The following KCNA6 variants were observed in gnomAD, a reference collection of about 807,000 sequenced individuals.
KCNA6 encodes the protein human brain potassium channel-2.
A neutral mutation model predicts 29.5 loss-of-function variants in KCNA6; 17 were observed. That is an observed-to-expected ratio of 0.58 (90% confidence interval 0.39 to 0.86). The LOEUF is 0.86. Ranked by LOEUF, KCNA6 falls within the 40% of genes least tolerant of loss-of-function variation. The probability of loss-of-function intolerance (pLI) is 0.00; values close to 1 mark genes in which losing one functional copy is unlikely to be tolerated. For synonymous variants in KCNA6, 296 were observed against 304.7 expected (o/e 0.97, Z 0.30); for missense variants, 450 against 703.4 (o/e 0.64, Z 4.07).
At chr12:4,814,317 T>G (rs1347133839), downstream of KCNA6, 2 of 167,118 alleles carry the variant, frequency 1.2e-5, no homozygotes, top group Non-Finnish European at 2.9e-5. The surrounding 1 kb of genome is among the most constrained non-coding windows in gnomAD (Gnocchi z 4.6). Flanking sequence ...AAGCTGGGCC[T>G]TACCAGGTGT....
the KCNA6 span, among the ~76,000 whole-genome samples, chr12:4,840,613 A>G: frequency 3.4e-4 from 52 of 152,224 alleles, 1 homozygote; most frequent in Non-Finnish European, 7.3e-4. Context: ...TTCCACATCA[A>G]TCACAGACAT....
chr12:4,849,212 A>G, the KCNA6 span, among the ~76,000 whole-genome samples: 1 of 152,164 alleles, frequency 6.6e-6, no homozygotes. Context: ...AGAGCAGTCC[A>G]GGGAGAAAGC....
chr12:4,837,784 C>A, the KCNA6 span, among the ~76,000 whole-genome samples: 5 of 151,804 alleles, frequency 3.3e-5, no homozygotes, highest in African/African-American at 9.7e-5. Flanking sequence ...TGTGTGGGTA[C>A]AGACTGCTCT....
the KCNA6 span, among the ~76,000 whole-genome samples, chr12:4,823,739 C>A: frequency 1.3e-5 from 2 of 152,072 alleles, no homozygotes; most frequent in East Asian, 3.9e-4. Context: ...TGCACTCCTG[C>A]CTGGGCGACA....
At chr12:4,836,966 T>A in the KCNA6 span, among the ~76,000 whole-genome samples, 1 of 152,226 alleles carries the variant, frequency 6.6e-6, no homozygotes. Context: ...TCTTTTTGTA[T>A]GTCAATGAGT....
chr12:4,813,758 G>C (rs1946655446), downstream of KCNA6: 1 of 167,210 alleles, frequency 6.0e-6, no homozygotes, highest in Non-Finnish European at 1.5e-5. Context: ...GGGGAAAGAA[G>C]AGAAAAGCCC....
At chr12:4,840,972 A>C in the KCNA6 span, among the ~76,000 whole-genome samples, 1 of 152,214 alleles carries the variant, frequency 6.6e-6, no homozygotes, top group African/African-American at 2.4e-5. Flanking sequence ...TGATAGTCTT[A>C]CTCCTTAGAA....
the KCNA6 span, among the ~76,000 whole-genome samples, chr12:4,850,266 G>A: frequency 0.57 from 86,363 of 151,802 alleles, 24,939 homozygotes; most frequent in Admixed American, 0.64. This position sits in a 1 kb window ranked among gnomAD's most constrained non-coding sequence, Gnocchi z 5.4. Context: ...AGAGAGGAAC[G>A]CGCCTGACGC....
the KCNA6 span, among the ~76,000 whole-genome samples, chr12:4,821,260 GAA>G: frequency 6.6e-6 from 1 of 152,232 alleles, no homozygotes; most frequent in East Asian, 1.9e-4. Context: ...GGTGGAAAGA[GAA>G]AAGAGGTCCG....
chr12:4,846,405 T>C, the KCNA6 span, among the ~76,000 whole-genome samples: 1 of 152,226 alleles, frequency 6.6e-6, no homozygotes, highest in Non-Finnish European at 1.5e-5. Flanking sequence ...AACTGTAATA[T>C]AAATGACATA....
At chr12:4,847,324 T>C in the KCNA6 span, among the ~76,000 whole-genome samples, 1 of 152,358 alleles carries the variant, frequency 6.6e-6, no homozygotes, top group East Asian at 1.9e-4. Context: ...GAAATGCATG[T>C]TTTCAATTCT....
the KCNA6 span, among the ~76,000 whole-genome samples, chr12:4,837,833 A>T: frequency 1.3e-5 from 2 of 151,416 alleles, no homozygotes; most frequent in Admixed American, 6.6e-5. Context: ...GGAGGCTTTT[A>T]TGGTAACCCA....
chr12:4,843,262 G>T, the KCNA6 span, among the ~76,000 whole-genome samples: 7 of 151,164 alleles, frequency 4.6e-5, no homozygotes, highest in Non-Finnish European at 8.8e-5. Context: ...CTCACTGCAA[G>T]CTCCGCCTCC....
chr12:4,821,446 GTGTGTGTGTGTGTGTT>G, the KCNA6 span, among the ~76,000 whole-genome samples: 1 of 125,802 alleles, frequency 7.9e-6, no homozygotes, highest in African/African-American at 2.9e-5. Context: ...GTGTGTGTGT[GTGTGTGTGTGTGTGTT>G]TTGTTTTTCT....
chr12:4,832,838 C>A, the KCNA6 span, among the ~76,000 whole-genome samples: 1 of 152,200 alleles, frequency 6.6e-6, no homozygotes, highest in East Asian at 1.9e-4. Context: ...ACTCCTTTTG[C>A]ACTCAGCAGA....
At chr12:4,821,939 C>T in the KCNA6 span, among the ~76,000 whole-genome samples, 7 of 152,236 alleles carry the variant, frequency 4.6e-5, no homozygotes, top group South Asian at 2.1e-4. Context: ...CAGGTTCAAG[C>T]GATTCTCCTG....
rs771404375 is a variant in KCNA6, at chr12:4,811,621, C to G, written c.1580C>G (p.Thr527Arg). Residue 527 changes from threonine (T) to arginine (R), a missense_variant, in exon 1 of 1, where the codon ACG becomes AGG. Coordinates refer to ENST00000280684, the Ensembl canonical transcript of KCNA6. This position sits in a 1 kb window ranked among gnomAD's most constrained non-coding sequence, Gnocchi z 7.1. ...GCCTATGCAGAGAAAAGAATGCTCACGGAGGTCTGACCCATGCAGGCAGGG... is the reference window on the plus strand; with the variant it reads ...GCCTATGCAGAGAAAAGAATGCTCAGGGAGGTCTGACCCATGCAGGCAGGG... The G allele has an allele frequency of 8.1e-6, 13 of 1,613,250 alleles. No homozygotes were observed. The highest frequency in any genetic ancestry group is 1.0e-5 in the Non-Finnish European group (12 of 1,179,524).
the KCNA6 span, among the ~76,000 whole-genome samples, chr12:4,822,188 A>G: frequency 1.3e-5 from 2 of 152,154 alleles, no homozygotes; most frequent in Non-Finnish European, 2.9e-5. Context: ...GGTGGGAGAT[A>G]TTTCTCTCTA....
At chr12:4,850,766 G>A in the KCNA6 span, 1 of 451,184 alleles carries the variant, frequency 2.2e-6, no homozygotes, top group Non-Finnish European at 4.5e-6. This position sits in a 1 kb window ranked among gnomAD's most constrained non-coding sequence, Gnocchi z 5.4. Context: ...GTGCAAGCAA[G>A]GACATCTATG....
Sources: allele counts gnomAD v4.1 joint callset (sites outside exome capture counted in the v4.1 genomes callset), GRCh38; gene constraint gnomAD v4.1.1; non-coding constraint Gnocchi (gnomAD v3.1); transcripts MANE v1.5; gene names NCBI Gene and HGNC (gene_info 2026-07-23, HGNC 2026-07-21).